EIF5A2: variants seen among roughly 807,000 people sequenced by gnomAD.
EIF5A2 encodes the protein eukaryotic translation initiation factor 5A2, also known as eukaryotic translation initiation factor 5A-2.
A neutral mutation model predicts 16.4 loss-of-function variants in EIF5A2; 15 were observed. The observed-to-expected ratio is 0.92, with a 90% confidence interval of 0.61 to 1.41. The LOEUF (loss-of-function observed/expected upper bound fraction) is 1.41. Among genes scored for constraint, EIF5A2 ranks in the 40% most tolerant of loss-of-function variants. The pLI is 0.00. For synonymous variants in EIF5A2, 48 were observed against 61.1 expected (o/e 0.79, Z 1.00); for missense variants, 144 against 189.5 (o/e 0.76, Z 1.41).
At chr3:170,898,805 T>C (rs969659891) in intron 3 of EIF5A2, among the ~76,000 whole-genome samples, 4 of 151,744 alleles carry the variant, frequency 2.6e-5, no homozygotes, top group Non-Finnish European at 2.9e-5. Flanking sequence ...TTTAATCACA[T>C]GTGCACTATT....
chr3:170,905,334 A>G (rs555395559), intron 3 of EIF5A2, among the ~76,000 whole-genome samples: 6 of 152,134 alleles, frequency 3.9e-5, no homozygotes, highest in Non-Finnish European at 8.8e-5. Flanking sequence ...ACCCAAACCA[A>G]ATTTTTCCTT....
intron 3 of EIF5A2, among the ~76,000 whole-genome samples, chr3:170,895,053 ATTATAAGTAC>A (rs1325340558): frequency 1.3e-5 from 2 of 149,824 alleles, no homozygotes; most frequent in African/African-American, 4.9e-5. Context: ...AAAAAGAGAT[ATTATAAGTAC>A]TTTACAGTGA....
intron 3 of EIF5A2, 39 bp downstream of exon 3, chr3:170,906,950 G>GA (rs1247105975): frequency 7.1e-7 from 1 of 1,409,424 alleles, no homozygotes; most frequent in East Asian, 2.3e-5. Flanking sequence ...TTTGCACCTT[G>GA]AAGAAACAAG....
chr3:170,896,243 C>A (rs1712666938), intron 3 of EIF5A2, among the ~76,000 whole-genome samples: 3 of 152,064 alleles, frequency 2.0e-5, no homozygotes, highest in Non-Finnish European at 4.4e-5. Context: ...ATATATAAAA[C>A]ATCTAGTAAA....
At chr3:170,904,407 C>T (rs541701507) in intron 3 of EIF5A2, among the ~76,000 whole-genome samples, 38 of 152,262 alleles carry the variant, frequency 2.5e-4, no homozygotes, top group Admixed American at 8.5e-4. Flanking sequence ...GGATTACACA[C>T]GCCAAATAAT....
chr3:170,906,438 A>T (rs1345529902), intron 3 of EIF5A2, among the ~76,000 whole-genome samples: 1 of 152,170 alleles, frequency 6.6e-6, no homozygotes, highest in African/African-American at 2.4e-5. Flanking sequence ...TTAACCAATT[A>T]TATAGTTTTT....
intron 3 of EIF5A2, among the ~76,000 whole-genome samples, 170 bp downstream of exon 3, chr3:170,906,819 T>C (rs1712946827): frequency 6.6e-6 from 1 of 152,196 alleles, no homozygotes; most frequent in African/African-American, 2.4e-5. Context: ...CCTAGAAAAG[T>C]ACATGTGTTA....
In EIF5A2 at chr3:170,893,277, C is replaced by A; in HGVS notation, c.*83G>T. 7.0e-7 allele frequency: 1 copy of A among 1,422,036 alleles called. No homozygotes were observed. The allele number at this position is 1,422,036 out of a possible 1,614,324, so 88.1% of individuals were successfully genotyped here. A position where few individuals can be genotyped will look rare whatever the true frequency, so the allele number is the denominator to read the frequency against. On this transcript the variant is annotated 3_prime_UTR_variant, in exon 5 of 5. Transcript: ENST00000295822. ...AAAGAAATGAGGTTGCTTATGAAGG[C>A]TATAGCTTTGGTGACAACTTAGAAC... is the stretch of plus-strand genomic sequence containing the variant.
intron 3 of EIF5A2, among the ~76,000 whole-genome samples, chr3:170,897,141 T>C (rs974268119): frequency 6.6e-6 from 1 of 152,242 alleles, no homozygotes; most frequent in African/African-American, 2.4e-5. Flanking sequence ...TGTACAGTCA[T>C]ATGCATTCAT....
rs1712473373 is a variant in EIF5A2 at position 170,889,410 on chromosome 3, A to C, written c.*3950T>G. 1 of 152,336 alleles carries C rather than the reference A, an allele frequency of 6.6e-6. No homozygotes were observed. Among genetic ancestry groups the C allele is most frequent in the African/African-American group, 2.4e-5 (1 of 41,424 alleles). The allele number at this position is 152,336 out of a possible 1,614,324, so 9.4% of individuals were successfully genotyped here. On this transcript the variant is annotated 3_prime_UTR_variant, in exon 5 of 5. Transcript: ENST00000295822. ...TGCCATATACCCAATTCAGAGAAAAAATTTAATAGATTAAATAGATTGAAT... is the reference window on the plus strand; with the variant it reads ...TGCCATATACCCAATTCAGAGAAAACATTTAATAGATTAAATAGATTGAAT...
chr3:170,901,560 T>G (rs953718185), intron 3 of EIF5A2, among the ~76,000 whole-genome samples: 3 of 147,050 alleles, frequency 2.0e-5, no homozygotes, highest in Admixed American at 6.9e-5. Context: ...TACAGGTGCC[T>G]TCTTTTTTTT....
At chr3:170,906,581 T>C (rs1239854747) in intron 3 of EIF5A2, among the ~76,000 whole-genome samples, 1 of 152,190 alleles carries the variant, frequency 6.6e-6, no homozygotes, top group Non-Finnish European at 1.5e-5. Flanking sequence ...GGAACATGAA[T>C]TTCAGTAGTT....
chr3:170,893,276 G>A lies in EIF5A2; in HGVS notation c.*84C>T. 7.2e-7 allele frequency: 1 copy of A among 1,397,196 alleles called. No homozygotes were observed. The allele number at this position is 1,397,196 out of a possible 1,614,324, so 86.5% of individuals were successfully genotyped here. On this transcript the variant is annotated 3_prime_UTR_variant, in exon 5 of 5. Coordinates refer to ENST00000295822, the MANE Select transcript of EIF5A2 (RefSeq NM_020390.6). The stretch of plus-strand genomic sequence containing the variant: ...AAAAGAAATGAGGTTGCTTATGAAG[G>A]CTATAGCTTTGGTGACAACTTAGAA...
At chr3:170,902,987 A>G (rs952754443) in intron 3 of EIF5A2, among the ~76,000 whole-genome samples, 9 of 152,168 alleles carry the variant, frequency 5.9e-5, no homozygotes, top group African/African-American at 2.2e-4. Flanking sequence ...TGATCTGACT[A>G]CAGCCACTAC....
At chr3:170,897,016 C>T (rs181569099) in intron 3 of EIF5A2, among the ~76,000 whole-genome samples, 2 of 152,298 alleles carry the variant, frequency 1.3e-5, no homozygotes, top group East Asian at 3.9e-4. Flanking sequence ...CAGCATTTTG[C>T]CCTGCCCTAG....
chr3:170,902,336 A>G (rs1560010674), intron 3 of EIF5A2, among the ~76,000 whole-genome samples: 1 of 152,032 alleles, frequency 6.6e-6, no homozygotes, highest in Non-Finnish European at 1.5e-5. Context: ...GACCTGAAAG[A>G]AGACAGAACC....
At chr3:170,902,855 T>C (rs1026575094) in intron 3 of EIF5A2, among the ~76,000 whole-genome samples, 16 of 152,078 alleles carry the variant, frequency 1.1e-4, no homozygotes, top group Non-Finnish European at 4.4e-5. Context: ...TCTGCCCGCC[T>C]TGGCCTCCCA....
At chr3:170,901,645 A>G (rs1576788774) in intron 3 of EIF5A2, among the ~76,000 whole-genome samples, 2 of 145,856 alleles carry the variant, frequency 1.4e-5, no homozygotes, top group African/African-American at 2.6e-5. Flanking sequence ...TGCAACCTCC[A>G]CCTCCCTGGT....
rs761337718 is a variant in EIF5A2 at position 170,907,026 on chromosome 3, T to G, written c.233A>C (p.Asn78Thr). ...TCTCTTAATATTTGGAACATCCATGTTGTGAGTAGAAGGACAAATATCTTC... is the reference window on the plus strand; with the variant it reads ...TCTCTTAATATTTGGAACATCCATGGTGTGAGTAGAAGGACAAATATCTTC... ...KYEDICPSTH[N>T]MDVPNIKRND... The change falls in exon 3 of 5, where the codon AAC becomes ACC. Residue 78 changes from asparagine (N) to threonine (T), a missense_variant. By Grantham distance (65) the Asn-to-Thr change is moderately conservative (BLOSUM62 0). Coordinates refer to ENST00000295822, the MANE Select transcript of EIF5A2 (RefSeq NM_020390.6). The G allele has an allele frequency of 6.2e-7, 1 of 1,612,262 alleles. No individual in the cohort carries two copies. Among genetic ancestry groups the G allele is most frequent in the Non-Finnish European group, 8.5e-7 (1 of 1,179,018 alleles).
Sources: gnomAD v4.1 joint callset for allele counts (sites outside exome capture counted in the v4.1 genomes callset) on GRCh38, gnomAD v4.1.1 for gene constraint, MANE v1.5 for transcripts, NCBI Gene and HGNC (gene_info 2026-07-23, HGNC 2026-07-21) for gene names.